Variants in KCNJ13 observed in about 807,000 individuals in gnomAD.
The protein encoded by KCNJ13 is inward rectifier potassium channel 13.
In KCNJ13, 9 loss-of-function variants were observed where a neutral mutation model predicts 24.6. That is an observed-to-expected ratio of 0.37 (90% confidence interval 0.22 to 0.64). The LOEUF is 0.64. KCNJ13 is among the 30% of genes least tolerant of loss of function. KCNJ13 has a pLI of 0.64. For missense variants in KCNJ13, 337 were observed against 443.8 expected, an observed-to-expected ratio of 0.76 and a Z score of 2.16; for synonymous variants, 148 against 154.7, an observed-to-expected ratio of 0.96 and a Z score of 0.32.
In KCNJ13 at chr2:232,771,222, G is replaced by A. The variant is rs770352640; in HGVS notation, c.141C>T (p.Ile47=). 2.4e-5 allele frequency: 39 copies of A among 1,611,694 alleles called. No homozygotes were observed. Among genetic ancestry groups the A allele is most frequent in the Non-Finnish European group, 6.8e-6 (8 of 1,178,074 alleles). The change falls in exon 2 of 3, where the codon ATC becomes ATT. Residue 47 remains isoleucine, a synonymous_variant. Transcript: ENST00000233826. ...TCCAACGCCAGCGCATGTCCATTAGGATTCCCCAAGCATCTCGAAGATATG... is the reference window on the plus strand; with the variant it reads ...TCCAACGCCAGCGCATGTCCATTAGAATTCCCCAAGCATCTCGAAGATATG... ...GLAYLRDAWG[I]LMDMRWRWMM...
chr2:232,768,105 G>C lies in KCNJ13; in HGVS notation c.*86C>G. 1 of 1,379,386 alleles carries C rather than the reference G, an allele frequency of 7.2e-7. No homozygotes were observed. The highest frequency in any genetic ancestry group is 1.0e-6 in the Non-Finnish European group (1 of 974,448). The allele number at this position is 1,379,386 out of a possible 1,614,324, so 85.4% of individuals were successfully genotyped here. A position where few individuals can be genotyped will look rare whatever the true frequency, so the allele number is the denominator to read the frequency against. ...GATGTAGAGAGCTATAATTAGCATT[G>C]AAAAAAGAAAACATGAGATACAGTA... On this transcript the variant is annotated 3_prime_UTR_variant, in exon 3 of 3. Coordinates refer to ENST00000233826, the MANE Select transcript of KCNJ13 (RefSeq NM_002242.4).
chr2:232,769,413 C>T (rs866193082), intron 2 of KCNJ13, among the ~76,000 whole-genome samples: 1 of 151,382 alleles, frequency 6.6e-6, no homozygotes, highest in South Asian at 2.1e-4. Context: ...TGCCTGTAAT[C>T]CCAGCTACTC....
chr2:232,765,835 A>C lies in KCNJ13; in HGVS notation c.*2356T>G, dbSNP rs1482911201. On this transcript the variant is annotated 3_prime_UTR_variant, in exon 3 of 3. Transcript: ENST00000233826. ...ACATATGTAAAACTAGGCCCCTGAGATTTTTAGGTAACGACATGCCTCCAG... is the reference window on the plus strand; with the variant it reads ...ACATATGTAAAACTAGGCCCCTGAGCTTTTTAGGTAACGACATGCCTCCAG... The C allele has an allele frequency of 8.9e-6, 4 of 447,856 alleles. No homozygotes were observed. Among genetic ancestry groups the C allele is most frequent in the Non-Finnish European group, 1.9e-5 (4 of 215,148 alleles). 27.7% of individuals were successfully genotyped at this position (447,856 alleles called of 1,614,324 possible).
At position 232,772,100 on chromosome 2, in the gene KCNJ13, G is replaced by A. The variant is rs1183605891; in HGVS notation, c.-16-722C>T. ...ATTTTTAGAATTTTAATTTTTGTTGGTACTGGGCTCAATATATTGCCTAGG... is the reference window on the plus strand; with the variant it reads ...ATTTTTAGAATTTTAATTTTTGTTGATACTGGGCTCAATATATTGCCTAGG... On this transcript the variant is annotated intron_variant, in intron 1 of 2. Coordinates refer to ENST00000233826, the MANE Select transcript of KCNJ13 (RefSeq NM_002242.4). Among the ~76,000 whole-genome samples, 10 of 152,232 alleles carry A rather than the reference G, an allele frequency of 6.6e-5. No individual in the cohort carries two copies. The South Asian group carries it at 1.9e-3, about 28-fold the overall frequency.
chr2:232,767,958 T>G lies in KCNJ13; in HGVS notation c.*233A>C, dbSNP rs1387347445. On this transcript the variant is annotated 3_prime_UTR_variant, in exon 3 of 3. Coordinates refer to ENST00000233826, the MANE Select transcript of KCNJ13 (RefSeq NM_002242.4). ...CACCAGCAACATTTCTGTATAAGTGTCTGTCAAGTTGAGTTACATTGATTT... is the reference window on the plus strand; with the variant it reads ...CACCAGCAACATTTCTGTATAAGTGGCTGTCAAGTTGAGTTACATTGATTT... The G allele has an allele frequency of 1.9e-6, 1 of 529,140 alleles. No individual in the cohort carries two copies. The allele number at this position is 529,140 out of a possible 1,614,324, so 32.8% of individuals were successfully genotyped here. A position where few individuals can be genotyped will look rare whatever the true frequency, so the allele number is the denominator to read the frequency against.
intron 1 of KCNJ13, among the ~76,000 whole-genome samples, chr2:232,776,195 G>A (rs1574869676): frequency 6.6e-6 from 1 of 151,338 alleles, no homozygotes; most frequent in African/African-American, 2.4e-5. Flanking sequence ...CTGATATATT[G>A]TAATAGAAAA....
chr2:232,772,688 G>A (rs2106341883), intron 1 of KCNJ13, among the ~76,000 whole-genome samples: 1 of 152,282 alleles, frequency 6.6e-6, no homozygotes, highest in South Asian at 2.1e-4. Flanking sequence ...TCCCTTGAGT[G>A]AGCCTCTCTT....
chr2:232,775,668 T>C (rs1053022139), intron 1 of KCNJ13, among the ~76,000 whole-genome samples: 1 of 152,216 alleles, frequency 6.6e-6, no homozygotes. Context: ...GCAGCTTCAC[T>C]GATCATCAGA....
chr2:232,766,352 T>C lies in KCNJ13; in HGVS notation c.*1839A>G, dbSNP rs34063802. 33,776 of 178,820 alleles carry C rather than the reference T, an allele frequency of 0.19. 3,556 individuals are homozygous for C. The highest frequency in any genetic ancestry group is 0.22 in the Non-Finnish European group (18,088 of 83,704). 11.1% of individuals were successfully genotyped at this position (178,820 alleles called of 1,614,324 possible). ...AAACTCATCTGACTTAAATGGAACCTTAGATCTCAGGTTTTACTCATTCAC... is the reference window on the plus strand; with the variant it reads ...AAACTCATCTGACTTAAATGGAACCCTAGATCTCAGGTTTTACTCATTCAC... On this transcript the variant is annotated 3_prime_UTR_variant, in exon 3 of 3. Coordinates refer to ENST00000233826, the MANE Select transcript of KCNJ13 (RefSeq NM_002242.4).
At position 232,768,818 on chromosome 2, in the gene KCNJ13, A is replaced by T. The variant is rs1276018611; in HGVS notation, c.461-5T>A. The stretch of plus-strand genomic sequence containing the variant: ...CAATCTTCGCCACAAAAGCACCTAA[A>T]TAAGAAATTATTGATTTTTTTTTAG... On this transcript the variant is annotated splice_polypyrimidine_tract_variant and splice_region_variant and intron_variant, in intron 2 of 2. Transcript: ENST00000233826. 6.9e-6 allele frequency: 11 copies of T among 1,600,732 alleles called. No homozygotes were observed. Among genetic ancestry groups the T allele is most frequent in the Non-Finnish European group, 9.4e-6 (11 of 1,171,972 alleles).
intron 1 of KCNJ13, among the ~76,000 whole-genome samples, chr2:232,776,179 C>A (rs1400756229): frequency 6.6e-6 from 1 of 151,816 alleles, no homozygotes; most frequent in African/African-American, 2.4e-5. Flanking sequence ...AGGCCTTTAT[C>A]CTCTACTGAT....
In KCNJ13 at chr2:232,768,617, C is replaced by T. The variant is rs754717532; in HGVS notation, c.657G>A (p.Gln219=). 6.2e-7 allele frequency: 1 copy of T among 1,614,120 alleles called. No homozygotes were observed. Among genetic ancestry groups the T allele is most frequent in the South Asian group, 1.1e-5 (1 of 91,072 alleles). The change falls in exon 3 of 3, where the codon CAG becomes CAA. Residue 219 remains glutamine (Q), a synonymous_variant. Coordinates refer to ENST00000233826, the MANE Select transcript of KCNJ13 (RefSeq NM_002242.4). ...YQERENGKLY[Q]TSVDFHLDGI... ...CATCAAGGTGGAAATCCACACTGGT[C>T]TGGTAGAGTTTGCCATTTTCTCTTT...
In KCNJ13 at chr2:232,771,192, C is replaced by A; in HGVS notation, c.171G>T (p.Met57Ile). The change falls in exon 2 of 3, where the codon ATG becomes ATT. Residue 57 changes from methionine (M) to isoleucine (I), a missense_variant. Met to Ile is a conservative substitution (Grantham distance 10, BLOSUM62 1). Coordinates refer to ENST00000233826, the MANE Select transcript of KCNJ13 (RefSeq NM_002242.4). ...CAACAAAAGAAGCAGAAAAGACCAA[C>A]ATCATCCAACGCCAGCGCATGTCCA... ...ILMDMRWRWM[M>I]LVFSASFVVH... 2 of 1,613,686 alleles carry A rather than the reference C, an allele frequency of 1.2e-6. No individual in the cohort carries two copies. The highest frequency in any genetic ancestry group is 1.6e-4 in the Middle Eastern group (1 of 6,062).
intron 1 of KCNJ13, 100 bp downstream of exon 1, chr2:232,776,345 A>T: frequency 2.4e-6 from 2 of 818,518 alleles, no homozygotes; most frequent in Non-Finnish European, 4.1e-6. Flanking sequence ...TTGTTTTAAA[A>T]ATCTGTTGGA....
At chr2:232,771,713 A>G (rs1375771951) in intron 1 of KCNJ13, among the ~76,000 whole-genome samples, 1 of 152,216 alleles carries the variant, frequency 6.6e-6, no homozygotes, top group African/African-American at 2.4e-5. Context: ...GGTGTCAAGC[A>G]TTTATTGATT....
chr2:232,774,209 A>G (rs1198673905), intron 1 of KCNJ13, among the ~76,000 whole-genome samples: 2 of 152,134 alleles, frequency 1.3e-5, no homozygotes, highest in African/African-American at 4.8e-5. Context: ...AGTTAGTGCC[A>G]TATTGCCTCC....
intron 1 of KCNJ13, among the ~76,000 whole-genome samples, 191 bp downstream of exon 1, chr2:232,776,254 C>G (rs1376804980): frequency 1.3e-5 from 2 of 152,022 alleles, no homozygotes; most frequent in African/African-American, 4.8e-5. Flanking sequence ...GTAATACATT[C>G]AATATGGCTG....
rs558562569 is a variant in KCNJ13, at chr2:232,772,976, C to T, written c.-16-1598G>A. 2.6e-5 allele frequency among the ~76,000 whole-genome samples: 4 copies of T among 152,170 alleles called. No homozygotes were observed. In the South Asian group the frequency reaches 8.3e-4, roughly 32 times the overall value. ...TTTCTTTTGCTCTGAGGTAACTTAACATTTATTGGTGATTAGAGACTTTTT... is the reference window on the plus strand; with the variant it reads ...TTTCTTTTGCTCTGAGGTAACTTAATATTTATTGGTGATTAGAGACTTTTT... On this transcript the variant is annotated intron_variant, in intron 1 of 2. Coordinates refer to ENST00000233826, the MANE Select transcript of KCNJ13 (RefSeq NM_002242.4).
rs1227384120 is a variant in KCNJ13, at chr2:232,767,283, A to G, written c.*908T>C. On this transcript the variant is annotated 3_prime_UTR_variant, in exon 3 of 3. Transcript: ENST00000233826. ...TTCCCTACTCACTCAAGTTATATCT[A>G]AGTAAAGCTTTATATCTATAAAGAC... The G allele has an allele frequency of 2.0e-5, 3 of 152,156 alleles. No individual in the cohort carries two copies. The highest frequency in any genetic ancestry group is 7.2e-5 in the African/African-American group (3 of 41,446). 9.4% of individuals were successfully genotyped at this position (152,156 alleles called of 1,614,324 possible).
Sources: allele counts gnomAD v4.1 joint callset (sites outside exome capture counted in the v4.1 genomes callset), GRCh38; gene constraint gnomAD v4.1.1; transcripts MANE v1.5; gene names NCBI Gene and HGNC (gene_info 2026-07-23, HGNC 2026-07-21).